MIS18A: variants seen among roughly 807,000 people sequenced by gnomAD.
MIS18A encodes the protein protein Mis18-alpha.
Under a neutral mutation model 25.0 loss-of-function variants are expected in MIS18A, and 14 were observed. The observed-to-expected ratio is 0.56, with a 90% CI of 0.37 to 0.88. MIS18A has a LOEUF of 0.88. Ranked by LOEUF, MIS18A falls within the 40% of genes least tolerant of loss-of-function variation. The probability of loss-of-function intolerance (pLI) is 0.00; values close to 1 mark genes in which losing one functional copy is unlikely to be tolerated. For missense variants in MIS18A, 292 were observed against 290.8 expected (o/e 1.00, Z -0.03); for synonymous variants, 134 against 118.6 (o/e 1.13, Z -0.84).
the MIS18A span, among the ~76,000 whole-genome samples, chr21:32,228,656 G>A: frequency 3.9e-5 from 6 of 152,096 alleles, no homozygotes; most frequent in Non-Finnish European, 5.9e-5. Context: ...TAATAAACGA[G>A]TTCAGCAAGG....
chr21:32,244,665 A>T, the MIS18A span, among the ~76,000 whole-genome samples: 1 of 152,116 alleles, frequency 6.6e-6, no homozygotes, highest in Non-Finnish European at 1.5e-5. Flanking sequence ...TGAGCCTGGG[A>T]GGTTGAGGCT....
At chr21:32,266,218 G>T (rs2031596941), downstream of MIS18A, among the ~76,000 whole-genome samples, 2 of 152,186 alleles carry the variant, frequency 1.3e-5, no homozygotes, top group South Asian at 4.1e-4. Flanking sequence ...TGGAGAACCT[G>T]TGTGTGGAAA....
At chr21:32,261,081 G>A in the MIS18A span, 1 of 152,154 alleles carries the variant, frequency 6.6e-6, no homozygotes, top group Non-Finnish European at 1.5e-5. Context: ...ATAATCAGCA[G>A]AGATTAAGAT....
chr21:32,262,634 TAGA>T, the MIS18A span, among the ~76,000 whole-genome samples: 1 of 152,188 alleles, frequency 6.6e-6, no homozygotes, highest in African/African-American at 2.4e-5. Flanking sequence ...TTACGTGAAT[TAGA>T]AGGTTGAAGA....
At chr21:32,222,940 AAAAAAAAAAAAAAAG>A in the MIS18A span, among the ~76,000 whole-genome samples, 1 of 150,012 alleles carries the variant, frequency 6.7e-6, no homozygotes, top group African/African-American at 2.5e-5. Context: ...GTCTCAAAAA[AAAAAAAAAAAAAAAG>A]AAAGAAAGAA....
chr21:32,248,487 G>A, the MIS18A span, among the ~76,000 whole-genome samples: 1 of 152,156 alleles, frequency 6.6e-6, no homozygotes, highest in East Asian at 1.9e-4. Context: ...CTTGTTAAAT[G>A]GAATAGAGCC....
chr21:32,274,945 C>T (rs1242974117), intron 1 of MIS18A, 49 bp from the exon 2 acceptor site: 8 of 1,453,966 alleles, frequency 5.5e-6, no homozygotes, highest in African/African-American at 2.8e-5. Context: ...TTCGTTATAA[C>T]ATACCTGCAG....
chr21:32,160,125 T>C, the MIS18A span, among the ~76,000 whole-genome samples: 1 of 152,206 alleles, frequency 6.6e-6, no homozygotes, highest in Admixed American at 6.5e-5. Context: ...TTCCTTGTTA[T>C]GCCAGAGTCA....
the MIS18A span, among the ~76,000 whole-genome samples, chr21:32,256,305 A>C: frequency 6.6e-6 from 1 of 152,020 alleles, no homozygotes; most frequent in African/African-American, 2.4e-5. Flanking sequence ...ATCTATCATC[A>C]AATTTCCCTG....
At chr21:32,235,244 T>G in the MIS18A span, among the ~76,000 whole-genome samples, 2 of 152,196 alleles carry the variant, frequency 1.3e-5, no homozygotes, top group Non-Finnish European at 2.9e-5. Context: ...TTGGAGGATC[T>G]TCACCTGAGG....
At chr21:32,196,938 C>T in the MIS18A span, among the ~76,000 whole-genome samples, 4 of 152,058 alleles carry the variant, frequency 2.6e-5, no homozygotes, top group Middle Eastern at 3.4e-3. Context: ...ATGGTTCACA[C>T]GTGTTTGTAT....
At position 32,268,736 on chromosome 21, in the gene MIS18A, G is replaced by A. The variant is rs1392965044; in HGVS notation, c.*301C>T. On this transcript the variant is annotated 3_prime_UTR_variant, in exon 5 of 5. Transcript: ENST00000290130. ...TAAAACGTCTTTAAAATGCGATTTT[G>A]AGAAACAATCACTTCTTTATCATAA... 2.3e-5 allele frequency: 5 copies of A among 220,352 alleles called. No individual in the cohort carries two copies. The highest frequency in any genetic ancestry group is 4.4e-5 in the Non-Finnish European group (5 of 113,318). The allele number at this position is 220,352 out of a possible 1,614,324, so 13.6% of individuals were successfully genotyped here.
At chr21:32,223,861 T>C in the MIS18A span, among the ~76,000 whole-genome samples, 6 of 152,168 alleles carry the variant, frequency 3.9e-5, no homozygotes, top group South Asian at 4.2e-4. Flanking sequence ...CTGATGAACA[T>C]CAATGCAAAA....
At chr21:32,228,157 C>T in the MIS18A span, among the ~76,000 whole-genome samples, 6 of 152,308 alleles carry the variant, frequency 3.9e-5, no homozygotes, top group Middle Eastern at 6.8e-3. Context: ...GGCGCCATCA[C>T]GGCTCACTGC....
At chr21:32,198,063 T>C in the MIS18A span, among the ~76,000 whole-genome samples, 2 of 152,242 alleles carry the variant, frequency 1.3e-5, no homozygotes, top group Non-Finnish European at 2.9e-5. Flanking sequence ...TAATTAGAGT[T>C]CTGGCATCTC....
chr21:32,199,959 T>C, the MIS18A span, among the ~76,000 whole-genome samples: 1 of 152,162 alleles, frequency 6.6e-6, no homozygotes, highest in African/African-American at 2.4e-5. Flanking sequence ...GTTTCAAGAA[T>C]TGGAATCGAT....
the MIS18A span, among the ~76,000 whole-genome samples, chr21:32,253,166 G>A: frequency 1.3e-5 from 2 of 152,062 alleles, no homozygotes; most frequent in Admixed American, 6.5e-5. Flanking sequence ...CCCCCCGCAC[G>A]ACCCCCAGCA....
chr21:32,157,156 A>G, the MIS18A span, among the ~76,000 whole-genome samples: 5 of 149,532 alleles, frequency 3.3e-5, no homozygotes, highest in South Asian at 2.1e-4. Context: ...CCCGGGTTCA[A>G]ATGATTTTCC....
intron 2 of MIS18A, among the ~76,000 whole-genome samples, chr21:32,272,135 A>G (rs1601078118): frequency 6.6e-6 from 1 of 152,246 alleles, no homozygotes; most frequent in East Asian, 1.9e-4. Context: ...TTTGGCCAGC[A>G]TTCACCCCTT....
Sources: allele counts gnomAD v4.1 joint callset (sites outside exome capture counted in the v4.1 genomes callset), GRCh38; gene constraint gnomAD v4.1.1; transcripts MANE v1.5; gene names NCBI Gene and HGNC (gene_info 2026-07-23, HGNC 2026-07-21).